Variants in WASF3 observed in about 807,000 individuals in gnomAD.
WASF3 encodes the protein actin-binding protein WASF3.
Under a neutral mutation model 46.6 loss-of-function variants are expected in WASF3, and 11 were observed. That is an observed-to-expected ratio of 0.24 (90% CI 0.15 to 0.39). The LOEUF (loss-of-function observed/expected upper bound fraction) is 0.39, where lower values mean the gene tolerates loss of function less well. Among genes scored for constraint, WASF3 ranks in the 10% least tolerant of loss-of-function variants. WASF3 has a pLI of 1.00. For synonymous variants in WASF3, 242 were observed against 259.7 expected, an observed-to-expected ratio of 0.93 and a Z score of 0.65; for missense variants, 576 against 669.8, an observed-to-expected ratio of 0.86 and a Z score of 1.55.
Position 26,671,854 on chromosome 13 carries a change from CA to C in WASF3, c.423-16del. ...TAACAATCTTTTCTTCCCTGACTTA[CA>C]ATACATTGATTTGTAGAGATGACAA... On this transcript the variant is annotated splice_polypyrimidine_tract_variant and intron_variant, in intron 5 of 9. Coordinates refer to ENST00000335327, the MANE Select transcript of WASF3 (RefSeq NM_006646.6). 1 of 1,513,728 alleles carries C rather than the reference CA, an allele frequency of 6.6e-7. No homozygotes were observed. Among genetic ancestry groups the C allele is most frequent in the Non-Finnish European group, 9.0e-7 (1 of 1,115,890 alleles). 93.8% of individuals were successfully genotyped at this position (1,513,728 alleles called of 1,614,324 possible). A position where few individuals can be genotyped will look rare whatever the true frequency, so the allele number is the denominator to read the frequency against.
Position 26,655,258 on chromosome 13 carries a change from C to CT in WASF3, c.134-9767dup, listed in dbSNP as rs145541025. 5.7e-3 allele frequency among the ~76,000 whole-genome samples: 865 copies of CT among 152,220 alleles called. 9 individuals carry two copies. The highest frequency in any genetic ancestry group is 0.02 in the African/African-American group (822 of 41,506). ...CCTTGACACTTTTATGACCTTGACA[C>CT]TTTAGAAGGGAAACAGCATTTATGT... On this transcript the variant is annotated intron_variant, in intron 3 of 9. Transcript: ENST00000335327.
At chr13:26,599,366 T>G (rs962349199) in intron 1 of WASF3, among the ~76,000 whole-genome samples, 1 of 152,050 alleles carries the variant, frequency 6.6e-6, no homozygotes, top group African/African-American at 2.4e-5. Context: ...GTATTTTTTG[T>G]AGAGATGGTA....
intron 1 of WASF3, among the ~76,000 whole-genome samples, chr13:26,561,818 C>T (rs559528543): frequency 1.3e-5 from 2 of 152,110 alleles, no homozygotes; most frequent in South Asian, 2.1e-4. Flanking sequence ...TGCTGTAGCA[C>T]GTGAAAATCA....
chr13:26,579,981 A>G lies in WASF3; in HGVS notation c.-109+22162A>G, dbSNP rs114457687. 7.0e-3 allele frequency among the ~76,000 whole-genome samples: 1,069 copies of G among 152,334 alleles called. 8 individuals carry two copies. The highest frequency in any genetic ancestry group is 0.024 in the African/African-American group (989 of 41,564). On this transcript the variant is annotated intron_variant, in intron 1 of 9. Transcript: ENST00000335327. ...CCAACACAAATTTGTAAATTTTCTT[A>G]GAACATTACAAGATTTTTTTGTGAT...
intron 3 of WASF3, among the ~76,000 whole-genome samples, chr13:26,663,098 G>C (rs1050140022): frequency 2.0e-5 from 3 of 152,292 alleles, no homozygotes; most frequent in Admixed American, 1.3e-4. Flanking sequence ...GTGTAGAAGG[G>C]ACAAGACTTG....
intron 2 of WASF3, among the ~76,000 whole-genome samples, chr13:26,628,677 A>G (rs1593157508): frequency 6.6e-6 from 1 of 152,098 alleles, no homozygotes; most frequent in South Asian, 2.1e-4. Context: ...CATGAGTCCA[A>G]AGTACCGTGG....
At chr13:26,652,208 G>T (rs7139499) in intron 3 of WASF3, among the ~76,000 whole-genome samples, 40,813 of 152,074 alleles carry the variant, frequency 0.27, 5,806 homozygotes, top group South Asian at 0.39. Flanking sequence ...GAAAAAATAT[G>T]CCCTGCAAAC....
intron 2 of WASF3, among the ~76,000 whole-genome samples, chr13:26,622,006 G>T (rs1421018106): frequency 6.6e-6 from 1 of 152,130 alleles, no homozygotes; most frequent in African/African-American, 2.4e-5. Context: ...GGCTACTTTT[G>T]CTTGGGTCAC....
rs1015070413 is a variant in WASF3, at chr13:26,688,389, A to G, written c.*2544A>G. The G allele has an allele frequency of 1.3e-5, 2 of 152,176 alleles. No homozygotes were observed. Among genetic ancestry groups the G allele is most frequent in the African/African-American group, 4.8e-5 (2 of 41,444 alleles). The allele number at this position is 152,176 out of a possible 1,614,324, so 9.4% of individuals were successfully genotyped here. A position where few individuals can be genotyped will look rare whatever the true frequency, so the allele number is the denominator to read the frequency against. On this transcript the variant is annotated 3_prime_UTR_variant, in exon 10 of 10. Transcript: ENST00000335327. ...GTAATTTTAAATTGTCCCTCGTATT[A>G]TTTCTCCACGTCTGTTTTAGTTTAA...
At chr13:26,552,853 T>C (rs1193712864), upstream of WASF3, among the ~76,000 whole-genome samples, 1 of 152,218 alleles carries the variant, frequency 6.6e-6, no homozygotes, top group Non-Finnish European at 1.5e-5. Flanking sequence ...ACTAAAGACT[T>C]AGTGATGACA....
intron 3 of WASF3, among the ~76,000 whole-genome samples, chr13:26,651,927 A>G (rs530696329): frequency 2.6e-5 from 4 of 152,344 alleles, no homozygotes; most frequent in African/African-American, 9.6e-5. Context: ...TCTAGTAACC[A>G]TCAAGAATAA....
At chr13:26,667,313 A>T (rs1261855724) in intron 4 of WASF3, among the ~76,000 whole-genome samples, 1 of 152,188 alleles carries the variant, frequency 6.6e-6, no homozygotes. Flanking sequence ...AAAAGCCATG[A>T]TTTGACCTCA....
chr13:26,554,053 T>C (rs1414522842), upstream of WASF3, among the ~76,000 whole-genome samples: 1 of 64,898 alleles, frequency 1.5e-5, no homozygotes, highest in African/African-American at 7.1e-5. Context: ...CCTTCCTTCC[T>C]TCCTTCCTTC....
chr13:26,542,387 T>A, the WASF3 span, among the ~76,000 whole-genome samples: 1 of 152,242 alleles, frequency 6.6e-6, no homozygotes, highest in African/African-American at 2.4e-5. Context: ...CCAATTTTAA[T>A]GCAAGGAGCT....
intron 6 of WASF3, among the ~76,000 whole-genome samples, chr13:26,675,396 C>G (rs1883033633): frequency 6.6e-6 from 1 of 151,792 alleles, no homozygotes; most frequent in African/African-American, 2.4e-5. Context: ...CCATACTCCT[C>G]TGCAGAATTG....
rs74040650 is a variant in WASF3 at position 26,678,033 on chromosome 13, G to T, written c.716+1309G>T. On this transcript the variant is annotated intron_variant, in intron 7 of 9. Transcript: ENST00000335327. ...GATTATTCCATGTTGGATATAAAATGGATGGTTATTCAGATATAGTCTGCC... is the reference window on the plus strand; with the variant it reads ...GATTATTCCATGTTGGATATAAAATTGATGGTTATTCAGATATAGTCTGCC... 7.4e-3 allele frequency among the ~76,000 whole-genome samples: 1,127 copies of T among 152,212 alleles called. 20 individuals carry two copies. The highest frequency in any genetic ancestry group is 0.025 in the African/African-American group (1,039 of 41,544).
At chr13:26,558,216 C>A (rs1879163636) in intron 1 of WASF3, among the ~76,000 whole-genome samples, 1 of 152,058 alleles carries the variant, frequency 6.6e-6, no homozygotes, top group African/African-American at 2.4e-5. Flanking sequence ...CGCCCCGGGC[C>A]GCTCCGCGTC....
intron 2 of WASF3, among the ~76,000 whole-genome samples, chr13:26,616,335 T>C (rs1881132440): frequency 6.6e-6 from 1 of 152,230 alleles, no homozygotes. Flanking sequence ...CCTGCGGTTT[T>C]AATTTGCCTC....
Position 26,671,978 on chromosome 13 carries a change from A to T in WASF3, c.529A>T (p.Arg177Trp). The part of the protein sequence containing the change: ...QDTEDKRKEK[R>W]RQKEQKRIDG... Reference sequence around the variant, plus strand: ...CACAGAAGACAAAAGGAAAGAGAAAAGGCGTCAAAAGGTAAATAATTTCAG... The same window carrying T: ...CACAGAAGACAAAAGGAAAGAGAAATGGCGTCAAAAGGTAAATAATTTCAG... The change falls in exon 6 of 10, where the codon AGG (arginine) becomes TGG (tryptophan). Residue 177 changes from arginine (R) to tryptophan (W), a missense_variant. Around this residue, in one of 3 missense-constraint regions of WASF3, gnomAD observed 213 missense variants for 278.0 expected, o/e 0.77. Transcript: ENST00000335327. The T allele has an allele frequency of 1.2e-6, 2 of 1,602,042 alleles. No individual in the cohort carries two copies. Among genetic ancestry groups the T allele is most frequent in the Non-Finnish European group, 1.7e-6 (2 of 1,173,698 alleles).
Sources: gnomAD v4.1 joint callset for allele counts (sites outside exome capture counted in the v4.1 genomes callset) on GRCh38, gnomAD v4.1.1 for gene constraint, gnomAD v4.1.1 regional missense constraint, MANE v1.5 for transcripts, NCBI Gene and HGNC (gene_info 2026-07-23, HGNC 2026-07-21) for gene names.